The following TENT4B variants were observed in gnomAD, a reference collection of about 807,000 sequenced individuals.
TENT4B encodes terminal nucleotidyltransferase 4B.
A neutral mutation model predicts 75.0 loss-of-function variants in TENT4B; 10 were observed. That is an observed-to-expected ratio of 0.13 (90% CI 0.08 to 0.23). The LOEUF (loss-of-function observed/expected upper bound fraction) is 0.23, where lower values mean the gene tolerates loss of function less well. Ranked by LOEUF, TENT4B falls within the 10% of genes least tolerant of loss-of-function variation. The pLI is 1.00. For missense variants in TENT4B, 579 were observed against 893.8 expected, an observed-to-expected ratio of 0.65 and a Z score of 4.49; for synonymous variants, 350 against 357.7, an observed-to-expected ratio of 0.98 and a Z score of 0.24.
intron 4 of TENT4B, 62 bp downstream of exon 4, chr16:50,216,257 A>G: frequency 1.3e-6 from 2 of 1,587,552 alleles, no homozygotes; most frequent in Admixed American, 3.6e-5. Flanking sequence ...CTTGAATTAA[A>G]ATTAAAGTTT....
At chr16:50,162,697 T>G (rs1455438380) in intron 1 of TENT4B, among the ~76,000 whole-genome samples, 2 of 152,052 alleles carry the variant, frequency 1.3e-5, no homozygotes, top group Admixed American at 6.6e-5. Context: ...ACATTTTAAC[T>G]TTTTTTTGTC....
chr16:50,156,501 C>T (rs146898715), intron 1 of TENT4B, among the ~76,000 whole-genome samples: 38 of 152,126 alleles, frequency 2.5e-4, no homozygotes, highest in African/African-American at 8.4e-4. Flanking sequence ...CTTGCCACCA[C>T]GCCTGGCTAA....
chr16:50,156,791 G>A (rs962603519), intron 1 of TENT4B, among the ~76,000 whole-genome samples: 2 of 152,008 alleles, frequency 1.3e-5, no homozygotes, highest in Admixed American at 6.6e-5. Flanking sequence ...GAGTAGCTGG[G>A]ACTACAGGCA....
intron 7 of TENT4B, 75 bp from the exon 8 acceptor site, chr16:50,224,582 T>A: frequency 6.3e-7 from 1 of 1,578,260 alleles, no homozygotes; most frequent in African/African-American, 1.3e-5. Flanking sequence ...CTTGCTCTCC[T>A]GGAAGAGAGT....
chr16:50,174,730 G>A (rs931766549), intron 1 of TENT4B, among the ~76,000 whole-genome samples: 2 of 140,786 alleles, frequency 1.4e-5, no homozygotes, highest in Non-Finnish European at 3.0e-5. Flanking sequence ...TCAGCTCCCC[G>A]TCTCCCCTAC....
rs1413257499 is a variant in TENT4B at position 50,233,546 on chromosome 16, T to A, written c.*4218T>A. The A allele has an allele frequency of 1.0e-6, 1 of 985,026 alleles. No homozygotes were observed. Among genetic ancestry groups the A allele is most frequent in the Admixed American group, 6.1e-5 (1 of 16,268 alleles). 61.0% of individuals were successfully genotyped at this position (985,026 alleles called of 1,614,324 possible). On this transcript the variant is annotated 3_prime_UTR_variant, in exon 12 of 12. Transcript: ENST00000561678. ...ATAATGAGCTAAATATATATAGACG[T>A]TGAATGTTGACAAAATTATTAACCA...
chr16:50,200,620 T>C (rs1186125983), intron 1 of TENT4B, among the ~76,000 whole-genome samples: 1 of 152,134 alleles, frequency 6.6e-6, no homozygotes, highest in Non-Finnish European at 1.5e-5. Flanking sequence ...ATCAATGATA[T>C]ATGACATTGA....
chr16:50,206,631 C>T (rs1038266401), intron 1 of TENT4B, among the ~76,000 whole-genome samples: 4 of 151,952 alleles, frequency 2.6e-5, no homozygotes, highest in Admixed American at 2.0e-4. Context: ...CCGCAGGGGA[C>T]GGTGCTGAGC....
rs771680217 is a variant in TENT4B at position 50,225,252 on chromosome 16, C to T, written c.1767C>T (p.Ser589=). ...SSNSSSGPVS[S]SSATQSSSSD... is the part of the protein sequence containing the mutation. Reference sequence around the variant, plus strand: ...ACTCTTCATCAGGTCCAGTGTCGTCCTCTTCTGCCACACAGTCCAGCTCTA... The same window carrying T: ...ACTCTTCATCAGGTCCAGTGTCGTCTTCTTCTGCCACACAGTCCAGCTCTA... Residue 589 remains serine, a synonymous_variant, in exon 10 of 12, where the codon TCC becomes TCT. Transcript: ENST00000561678. 8.7e-6 allele frequency: 14 copies of T among 1,609,532 alleles called. No individual in the cohort carries two copies. The South Asian group carries it at 1.3e-4, about 15-fold the overall frequency.
At chr16:50,210,225 G>A (rs1216213847) in intron 1 of TENT4B, among the ~76,000 whole-genome samples, 2 of 152,320 alleles carry the variant, frequency 1.3e-5, no homozygotes, top group African/African-American at 4.8e-5. Flanking sequence ...CCCAGCCATA[G>A]CTCTTCACAG....
At position 50,234,942 on chromosome 16, in the gene TENT4B, A is replaced by G. The variant is rs1413238908; in HGVS notation, c.*5614A>G. The G allele has an allele frequency of 7.1e-6, 7 of 985,700 alleles. No homozygotes were observed. The highest frequency in any genetic ancestry group is 8.4e-6 in the Non-Finnish European group (7 of 829,888). The allele number at this position is 985,700 out of a possible 1,614,324, so 61.1% of individuals were successfully genotyped here. On this transcript the variant is annotated 3_prime_UTR_variant, in exon 12 of 12. Coordinates refer to ENST00000561678, the MANE Select transcript of TENT4B (RefSeq NM_001365324.3). Reference sequence around the variant, plus strand: ...TTTGATTAGCATTGTCTTCAGTGTTAAGAAATGTGGACTCCTGTGAGGTGC... The same window carrying G: ...TTTGATTAGCATTGTCTTCAGTGTTGAGAAATGTGGACTCCTGTGAGGTGC...
At chr16:50,218,127 T>C (rs931779499) in intron 5 of TENT4B, among the ~76,000 whole-genome samples, 1 of 152,114 alleles carries the variant, frequency 6.6e-6, no homozygotes, top group Non-Finnish European at 1.5e-5. Context: ...GATTAACTTA[T>C]AATGTGACCT....
intron 10 of TENT4B, among the ~76,000 whole-genome samples, chr16:50,226,109 C>T (rs2032040610): frequency 6.6e-6 from 1 of 151,882 alleles, no homozygotes. Context: ...AAGCGATTCT[C>T]CTGCCTCAGC....
At chr16:50,170,364 T>C (rs1367905060) in intron 1 of TENT4B, among the ~76,000 whole-genome samples, 1 of 152,208 alleles carries the variant, frequency 6.6e-6, no homozygotes, top group Non-Finnish European at 1.5e-5. Context: ...ATTCCTGCCC[T>C]CAGGCTAGCA....
chr16:50,171,745 AG>A (rs566796337), intron 1 of TENT4B, among the ~76,000 whole-genome samples: 75 of 152,170 alleles, frequency 4.9e-4, no homozygotes, highest in African/African-American at 1.8e-3. Context: ...CAGGCGGATC[AG>A]CTGAGGTCAG....
intron 1 of TENT4B, among the ~76,000 whole-genome samples, chr16:50,200,258 T>TGG (rs1241881601): frequency 1.3e-5 from 2 of 151,484 alleles, no homozygotes; most frequent in Non-Finnish European, 2.9e-5. Flanking sequence ...CCTAACTGCT[T>TGG]GGGAGACTGA....
rs1363088255 is a variant in TENT4B, at chr16:50,230,529, A to G, written c.*1201A>G. 4 of 976,448 alleles carry G rather than the reference A, an allele frequency of 4.1e-6. No individual in the cohort carries two copies. The highest frequency in any genetic ancestry group is 4.9e-6 in the Non-Finnish European group (4 of 821,476). The allele number at this position is 976,448 out of a possible 1,614,324, so 60.5% of individuals were successfully genotyped here. On this transcript the variant is annotated 3_prime_UTR_variant, in exon 12 of 12. Coordinates refer to ENST00000561678, the MANE Select transcript of TENT4B (RefSeq NM_001365324.3). ...AAACTATTTTCTTATATTCCACTCT[A>G]TGCTTTTGGTATTGTTGATCTTTAC...
At chr16:50,194,216 C>CTTTTTTTTTTTTTTTTTTTT in intron 1 of TENT4B, among the ~76,000 whole-genome samples, 1 of 139,802 alleles carries the variant, frequency 7.2e-6, no homozygotes, top group Non-Finnish European at 1.5e-5. Context: ...TCTTTTCTTT[C>CTTTTTTTTTTTTTTTTTTTT]TTTTTTTTTT....
At chr16:50,189,418 T>C (rs1171959032) in intron 1 of TENT4B, among the ~76,000 whole-genome samples, 1 of 152,228 alleles carries the variant, frequency 6.6e-6, no homozygotes, top group Non-Finnish European at 1.5e-5. Context: ...TGATTATAAA[T>C]GCTTTTGGCA....
Sources: gnomAD v4.1 joint callset for allele counts (sites outside exome capture counted in the v4.1 genomes callset) on GRCh38, gnomAD v4.1.1 for gene constraint, MANE v1.5 for transcripts, NCBI Gene and HGNC (gene_info 2026-07-23, HGNC 2026-07-21) for gene names.